The following IRX1 variants were observed in gnomAD, a reference collection of about 807,000 sequenced individuals.
IRX1 encodes the protein iroquois-class homeodomain protein IRX-1.
Under a neutral mutation model 34.1 loss-of-function variants are expected in IRX1, and 22 were observed. That is an observed-to-expected ratio of 0.64 (90% CI 0.46 to 0.92). The LOEUF (loss-of-function observed/expected upper bound fraction) is 0.92. IRX1 is among the 40% of genes least tolerant of loss of function. IRX1 has a pLI of 0.00. For missense variants in IRX1, 758 were observed against 680.0 expected (o/e 1.11, Z -1.28); for synonymous variants, 363 against 319.0 (o/e 1.14, Z -1.47).
chr5:3,599,210 G>A lies in IRX1; in HGVS notation c.277-15G>A. ...CCTCCTCTCTCTCCTCGATGGATCT[G>A]CCCTGTGGCTTCAGGGCTCGCAGTA... On this transcript the variant is annotated splice_polypyrimidine_tract_variant and intron_variant, in intron 1 of 3. Coordinates refer to ENST00000302006, the MANE Select transcript of IRX1 (RefSeq NM_024337.4). The surrounding 1 kb of genome is among the most constrained non-coding windows in gnomAD (Gnocchi z 6.6). 6.2e-7 allele frequency: 1 copy of A among 1,607,858 alleles called. No individual in the cohort carries two copies. The highest frequency in any genetic ancestry group is 8.5e-7 in the Non-Finnish European group (1 of 1,176,166).
At position 3,596,396 on chromosome 5, in the gene IRX1, C is replaced by T. The variant is rs1384157706; in HGVS notation, c.276+15C>T. ...TCTCGCAGATGGTGAGTGCGCCCGG[C>T]CTCCCCCGCTTCTCCTCTGTCTCAC... is the stretch of plus-strand genomic sequence containing the variant. On this transcript the variant is annotated intron_variant, in intron 1 of 3. Transcript: ENST00000302006. The T allele has an allele frequency of 6.7e-7, 1 of 1,498,120 alleles. No individual in the cohort carries two copies. 92.8% of individuals were successfully genotyped at this position (1,498,120 alleles called of 1,614,324 possible). A position where few individuals can be genotyped will look rare whatever the true frequency, so the allele number is the denominator to read the frequency against.
In IRX1 at chr5:3,600,623, C is replaced by A; in HGVS notation, c.1327C>A (p.Pro443Thr). Residue 443 changes from proline (P) to threonine (T), a missense_variant, in exon 3 of 4, where the codon CCC (proline) becomes ACC (threonine). This residue lies in a region of IRX1 where 529 missense variants were observed against 418.8 expected (regional missense o/e 1.26). Coordinates refer to ENST00000302006, the MANE Select transcript of IRX1 (RefSeq NM_024337.4). ...ATCTCTCGCAGAGAGAGACCTCGTCCCCAGGCCAGATTCGCCGGCACAGCA... is the reference window on the plus strand; with the variant it reads ...ATCTCTCGCAGAGAGAGACCTCGTCACCAGGCCAGATTCGCCGGCACAGCA... The part of the protein sequence containing the change: ...SPTLPERDLV[P>T]RPDSPAQQLK... 6.2e-7 allele frequency: 1 copy of A among 1,613,746 alleles called. No individual in the cohort carries two copies. The highest frequency in any genetic ancestry group is 8.5e-7 in the Non-Finnish European group (1 of 1,179,928).
intron 1 of IRX1, 121 bp downstream of exon 1, chr5:3,596,502 T>G (rs1743700591): frequency 9.5e-7 from 1 of 1,049,434 alleles, no homozygotes; most frequent in South Asian, 3.4e-5. Flanking sequence ...ACTAGAAAGG[T>G]CCGGGGGCAG....
intron 3 of IRX1, 80 bp from the exon 4 acceptor site, chr5:3,600,903 A>G: frequency 6.9e-7 from 1 of 1,442,570 alleles, no homozygotes; most frequent in Non-Finnish European, 9.8e-7. Context: ...GGGCTCCGCT[A>G]CTGGAACCGG....
chr5:3,600,730 A>C, intron 3 of IRX1, 49 bp downstream of exon 3: 1 of 1,232,492 alleles, frequency 8.1e-7, no homozygotes, highest in Non-Finnish European at 1.2e-6. Flanking sequence ...GGGAGGGGGG[A>C]GGAGGAGTGG....
At position 3,596,429 on chromosome 5, in the gene IRX1, A is replaced by G. The variant is rs1580009946; in HGVS notation, c.276+48A>G. 5 of 1,403,476 alleles carry G rather than the reference A, an allele frequency of 3.6e-6. No homozygotes were observed. In the African/African-American group the frequency reaches 7.5e-5, roughly 21 times the overall value. 86.9% of individuals were successfully genotyped at this position (1,403,476 alleles called of 1,614,324 possible). On this transcript the variant is annotated intron_variant, in intron 1 of 3. Coordinates refer to ENST00000302006, the MANE Select transcript of IRX1 (RefSeq NM_024337.4). ...GCTTCTCCTCTGTCTCACCCGCGCC[A>G]GGGCAAGGGTGGCGGGTCGCCCGGG...
rs745421304 is a variant in IRX1 at position 3,601,046 on chromosome 5, G to A, written c.*6G>A. On this transcript the variant is annotated 3_prime_UTR_variant, in exon 4 of 4. Transcript: ENST00000302006. ...CAGCCCTCCCGTCCGCCTGATTAAG[G>A]GTCTTCTTTTACTTTTGCGGGGGGG... The A allele has an allele frequency of 1.9e-6, 3 of 1,600,400 alleles. No individual in the cohort carries two copies. Among genetic ancestry groups the A allele is most frequent in the South Asian group, 1.1e-5 (1 of 90,670 alleles).
rs1743684198 is a variant in IRX1, at chr5:3,596,119, A to C, written c.14A>C (p.Gln5Pro). Residue 5 changes from glutamine (Q) to proline (P), a missense_variant, in exon 1 of 4, where the codon CAG (glutamine) becomes CCG (proline). Coordinates refer to ENST00000302006, the MANE Select transcript of IRX1 (RefSeq NM_024337.4). MSFP[Q>P]LGYPQYLSAA... ...GAGTCCGCGGACATGTCCTTCCCGC[A>C]GCTGGGCTACCCGCAGTACCTGAGC... The C allele has an allele frequency of 9.5e-7, 1 of 1,050,738 alleles. No individual in the cohort carries two copies. The highest frequency in any genetic ancestry group is 1.1e-6 in the Non-Finnish European group (1 of 872,802). 65.1% of individuals were successfully genotyped at this position (1,050,738 alleles called of 1,614,324 possible). A position where few individuals can be genotyped will look rare whatever the true frequency, so the allele number is the denominator to read the frequency against.
intron 3 of IRX1, 32 bp from the exon 4 acceptor site, chr5:3,600,951 T>C: frequency 1.2e-6 from 2 of 1,610,786 alleles, no homozygotes; most frequent in Non-Finnish European, 1.7e-6. Context: ...ACAGTGCCCC[T>C]GTCTTCTTGT....
At chr5:3,598,376 G>A (rs1003161666) in intron 1 of IRX1, among the ~76,000 whole-genome samples, 2 of 152,150 alleles carry the variant, frequency 1.3e-5, no homozygotes, top group African/African-American at 4.8e-5. Context: ...GCTAGTGTTT[G>A]CTCCCTCCAG....
At chr5:3,600,827 G>T in intron 3 of IRX1, 146 bp downstream of exon 3, 1 of 1,138,140 alleles carries the variant, frequency 8.8e-7, no homozygotes, top group Non-Finnish European at 1.3e-6. Context: ...CTGGGCGCCG[G>T]GCGAGCCGAG....
rs774706744 is a variant in IRX1, at chr5:3,600,028, C to T, written c.1080C>T (p.Ser360=). ...APLQHPAFLP[S]HGLYTCHIGK... is the part of the protein sequence containing the mutation. ...TGCAACACCCCGCCTTCCTGCCTAG[C>T]CACGGACTGTACACCTGCCACATCG... The change falls in exon 2 of 4, where the codon AGC becomes AGT. Residue 360 remains serine, a synonymous_variant. Coordinates refer to ENST00000302006, the MANE Select transcript of IRX1 (RefSeq NM_024337.4). The T allele has an allele frequency of 6.3e-7, 1 of 1,577,550 alleles. No individual in the cohort carries two copies. Among genetic ancestry groups the T allele is most frequent in the South Asian group, 1.1e-5 (1 of 86,988 alleles).
At chr5:3,596,524 C>T (rs1340882669) in intron 1 of IRX1, 143 bp downstream of exon 1, 2 of 853,116 alleles carry the variant, frequency 2.3e-6, no homozygotes, top group Non-Finnish European at 3.1e-6. Flanking sequence ...TTCCCGGTGG[C>T]CGAGGCCGCG....
rs1011051298 is a variant in IRX1 at position 3,601,242 on chromosome 5, G to A, written c.*202G>A. 6.5e-5 allele frequency: 39 copies of A among 602,974 alleles called. 1 individual carries two copies. Among genetic ancestry groups the A allele is most frequent in the Non-Finnish European group, 1.1e-4 (36 of 338,292 alleles). The allele number at this position is 602,974 out of a possible 1,614,324, so 37.4% of individuals were successfully genotyped here. On this transcript the variant is annotated 3_prime_UTR_variant, in exon 4 of 4. Transcript: ENST00000302006. ...CGTCCAGGTGGCCAGGCCTCTGCCG[G>A]CGGCTCCAGTGGCTGCGATTATCGG... is the stretch of plus-strand genomic sequence containing the variant.
chr5:3,596,889 G>T (rs1028719307), intron 1 of IRX1, among the ~76,000 whole-genome samples: 1 of 152,136 alleles, frequency 6.6e-6, no homozygotes, highest in African/African-American at 2.4e-5. Flanking sequence ...ATCCGAGTTT[G>T]CCAGACAGAC....
At position 3,599,127 on chromosome 5, in the gene IRX1, A is replaced by T; in HGVS notation, c.277-98A>T. 7.8e-7 allele frequency: 1 copy of T among 1,285,792 alleles called. No homozygotes were observed. The highest frequency in any genetic ancestry group is 1.1e-6 in the Non-Finnish European group (1 of 944,918). The allele number at this position is 1,285,792 out of a possible 1,614,324, so 79.6% of individuals were successfully genotyped here. ...GAGTCCATTGAAGCGGCTGCTTCCCACTCTCCCGTCTTGGGGACTCATGTC... is the reference window on the plus strand; with the variant it reads ...GAGTCCATTGAAGCGGCTGCTTCCCTCTCTCCCGTCTTGGGGACTCATGTC... On this transcript the variant is annotated intron_variant, in intron 1 of 3. Coordinates refer to ENST00000302006, the MANE Select transcript of IRX1 (RefSeq NM_024337.4). The surrounding 1 kb of genome is among the most constrained non-coding windows in gnomAD (Gnocchi z 6.6).
chr5:3,599,927 G>A lies in IRX1; in HGVS notation c.979G>A (p.Asp327Asn). The A allele has an allele frequency of 6.7e-7, 1 of 1,487,410 alleles. No individual in the cohort carries two copies. The highest frequency in any genetic ancestry group is 1.3e-5 in the South Asian group (1 of 75,106). 92.1% of individuals were successfully genotyped at this position (1,487,410 alleles called of 1,614,324 possible). A position where few individuals can be genotyped will look rare whatever the true frequency, so the allele number is the denominator to read the frequency against. The change falls in exon 2 of 4, where the codon GAC becomes AAC. Residue 327 changes from aspartate (D) to asparagine (N), a missense_variant. Around this residue, in one of 3 missense-constraint regions of IRX1, gnomAD observed 529 missense variants for 418.8 expected, o/e 1.26. Coordinates refer to ENST00000302006, the MANE Select transcript of IRX1 (RefSeq NM_024337.4). The surrounding 1 kb of genome is among the most constrained non-coding windows in gnomAD (Gnocchi z 6.6). ...GCTGGCGGAGACAGCCACGAGCCCC[G>A]ACGGTGCGCCCAAGGCTTCGCCACC... is the stretch of plus-strand genomic sequence containing the variant. ...WSLAETATSP[D>N]GAPKASPPPP...
Position 3,599,441 on chromosome 5 carries a change from A to G in IRX1, c.493A>G (p.Ile165Val), listed in dbSNP as rs1378059238. 5 of 1,614,086 alleles carry G rather than the reference A, an allele frequency of 3.1e-6. No individual in the cohort carries two copies. The highest frequency in any genetic ancestry group is 4.2e-6 in the Non-Finnish European group (5 of 1,180,030). Reference sequence around the variant, plus strand: ...CAAGGGCGAGAAGATCATGCTGGCCATCATCACCAAGATGACCCTCACGCA... The same window carrying G: ...CAAGGGCGAGAAGATCATGCTGGCCGTCATCACCAAGATGACCCTCACGCA... ...PTKGEKIMLAIITKMTLTQVS... is the reference protein window; with the variant it reads ...PTKGEKIMLAVITKMTLTQVS... Residue 165 changes from isoleucine to valine, a missense_variant, in exon 2 of 4, where the codon ATC (isoleucine) becomes GTC (valine). Ile to Val is a conservative substitution (Grantham distance 29, BLOSUM62 3). Around this residue, in one of 3 missense-constraint regions of IRX1, gnomAD observed 34 missense variants for 66.2 expected, o/e 0.51. Transcript: ENST00000302006. The surrounding 1 kb of genome is among the most constrained non-coding windows in gnomAD (Gnocchi z 6.6).
chr5:3,601,216 G>A lies in IRX1; in HGVS notation c.*176G>A, dbSNP rs1733960811. The A allele has an allele frequency of 3.1e-6, 2 of 652,812 alleles. No homozygotes were observed. Among genetic ancestry groups the A allele is most frequent in the Admixed American group, 2.4e-5 (1 of 41,036 alleles). The allele number at this position is 652,812 out of a possible 1,614,324, so 40.4% of individuals were successfully genotyped here. On this transcript the variant is annotated 3_prime_UTR_variant, in exon 4 of 4. Coordinates refer to ENST00000302006, the MANE Select transcript of IRX1 (RefSeq NM_024337.4). ...AAGGGGCTTCTTCGGTCCCGAGCTCGCGTCCAGGTGGCCAGGCCTCTGCCG... is the reference window on the plus strand; with the variant it reads ...AAGGGGCTTCTTCGGTCCCGAGCTCACGTCCAGGTGGCCAGGCCTCTGCCG...
Sources: gnomAD v4.1 joint callset for allele counts (sites outside exome capture counted in the v4.1 genomes callset) on GRCh38, gnomAD v4.1.1 for gene constraint, gnomAD v4.1.1 regional missense constraint, Gnocchi (gnomAD v3.1) non-coding constraint, MANE v1.5 for transcripts, NCBI Gene and HGNC (gene_info 2026-07-23, HGNC 2026-07-21) for gene names.